Variants in TBATA observed in about 807,000 individuals in gnomAD.
TBATA encodes thymus, brain and testes associated, also known as protein TBATA.
Under a neutral mutation model 38.7 loss-of-function variants are expected in TBATA, and 47 were observed. That is an observed-to-expected ratio of 1.21 (90% CI 0.96 to 1.55). TBATA has a LOEUF of 1.55. Ranked by LOEUF, TBATA falls within the 40% of genes most tolerant of loss-of-function variation. The probability of loss-of-function intolerance (pLI) is 0.00; values close to 1 mark genes in which losing one functional copy is unlikely to be tolerated. For missense variants in TBATA, 436 were observed against 435.6 expected, an observed-to-expected ratio of 1.00 and a Z score of -0.01; for synonymous variants, 183 against 170.5, an observed-to-expected ratio of 1.07 and a Z score of -0.57.
In TBATA at chr10:70,772,703, C is replaced by T. The variant is rs566420935; in HGVS notation, c.921-137G>A. 1.5e-5 allele frequency: 14 copies of T among 919,462 alleles called. No individual in the cohort carries two copies. In the Admixed American group the frequency reaches 2.2e-4, roughly 15 times the overall value. The allele number at this position is 919,462 out of a possible 1,614,324, so 57.0% of individuals were successfully genotyped here. On this transcript the variant is annotated intron_variant, in intron 9 of 10. Coordinates refer to ENST00000456372, the MANE Select transcript of TBATA (RefSeq NM_001318241.2). The stretch of plus-strand genomic sequence containing the variant: ...TGCTCCAGGGAGAGGCAAGAGTCAC[C>T]CCTCCTGGAGGGCCAGAAAACATCT...
chr10:70,777,151 A>G lies in TBATA; in HGVS notation c.693+2T>C, dbSNP rs1267634072. 9 of 1,611,954 alleles carry G rather than the reference A, an allele frequency of 5.6e-6. No individual in the cohort carries two copies. The highest frequency in any genetic ancestry group is 7.6e-6 in the Non-Finnish European group (9 of 1,179,624). On this transcript the variant is annotated splice_donor_variant, in intron 7 of 10. Transcript: ENST00000456372. LOFTEE classifies it high-confidence loss of function. The stretch of plus-strand genomic sequence containing the variant: ...AGCCTGGGAGCAGAACTGGGCCCTC[A>G]CCAGCAGCTCCTGATCCTGAAGGAG...
chr10:70,779,799 G>A, intron 4 of TBATA, 57 bp from the exon 5 acceptor site: 1 of 1,484,946 alleles, frequency 6.7e-7, no homozygotes, highest in Non-Finnish European at 8.9e-7. Flanking sequence ...AAGAGCTCCA[G>A]GAGGCAGGGA....
chr10:70,774,127 G>A (rs1843081895), intron 9 of TBATA, 86 bp downstream of exon 9: 2 of 1,544,592 alleles, frequency 1.3e-6, no homozygotes, highest in Admixed American at 1.9e-5. Flanking sequence ...ACCCTGGTCA[G>A]CGCCAGGCTC....
Position 70,777,259 on chromosome 10 carries a change from G to A in TBATA, c.587C>T (p.Ser196Phe). ...TCTGCGGCGGCCGACAGCCCGGGTG[G>A]AAGCGGGGATGAGCCTCCCAGTCTC... Reference protein sequence around the residue: ...SAETGRLIPASTRAVGRRRSH... With the variant: ...SAETGRLIPAFTRAVGRRRSH... Residue 196 changes from serine to phenylalanine, a missense_variant, in exon 7 of 11, where the codon TCC (serine) becomes TTC (phenylalanine). By Grantham distance (155) the Ser-to-Phe change is radical. Transcript: ENST00000456372. 3 of 1,613,656 alleles carry A rather than the reference G, an allele frequency of 1.9e-6. No individual in the cohort carries two copies. Among genetic ancestry groups the A allele is most frequent in the East Asian group, 4.5e-5 (2 of 44,862 alleles).
chr10:70,778,701 C>T, intron 5 of TBATA, 65 bp from the exon 6 acceptor site: 1 of 1,434,896 alleles, frequency 7.0e-7, no homozygotes, highest in Non-Finnish European at 9.8e-7. Flanking sequence ...CCTGTGCCAC[C>T]AGGCCTTGGT....
chr10:70,778,912 C>T, intron 5 of TBATA: 1 of 537,928 alleles, frequency 1.9e-6, no homozygotes, highest in Non-Finnish European at 3.4e-6. Flanking sequence ...CTAGGGGATG[C>T]TGGAGAATAT....
rs78662436 is a variant in TBATA, at chr10:70,783,267, G to A, written c.41+72C>T. ...TCCTAATCTGTTGAGATCCCCCAAG[G>A]CCACCTTTGTCTTCTACCCTGCCCT... is the stretch of plus-strand genomic sequence containing the variant. On this transcript the variant is annotated intron_variant, in intron 3 of 10. Transcript: ENST00000456372. 4.0e-4 allele frequency: 624 copies of A among 1,563,524 alleles called. 4 individuals carry two copies. The East Asian group carries it at 0.014, about 35-fold the overall frequency.
In TBATA at chr10:70,777,617, C is replaced by T. The variant is rs1843592317; in HGVS notation, c.508-279G>A. On this transcript the variant is annotated intron_variant, in intron 6 of 10. Coordinates refer to ENST00000456372, the MANE Select transcript of TBATA (RefSeq NM_001318241.2). ...GCTTAAACCAGCAAAAGCTCTTCCT[C>T]CTGGAACTCAGTAATGCAGGGTCGA... The T allele has an allele frequency of 1.8e-5, 9 of 501,920 alleles. No homozygotes were observed. In the South Asian group the frequency reaches 1.9e-4, roughly 11 times the overall value. 31.1% of individuals were successfully genotyped at this position (501,920 alleles called of 1,614,324 possible).
chr10:70,772,948 T>A (rs1214776356), intron 9 of TBATA, among the ~76,000 whole-genome samples: 1 of 152,198 alleles, frequency 6.6e-6, no homozygotes. Context: ...ACAAGAACCC[T>A]GCGTCTTGAA....
At chr10:70,781,035 C>G (rs1284856821) in intron 4 of TBATA, among the ~76,000 whole-genome samples, 1 of 152,226 alleles carries the variant, frequency 6.6e-6, no homozygotes, top group African/African-American at 2.4e-5. Flanking sequence ...CAATAGTGGC[C>G]CAAATGCCTA....
At chr10:70,773,473 G>GCCCT (rs770534823) in intron 9 of TBATA, among the ~76,000 whole-genome samples, 1 of 151,314 alleles carries the variant, frequency 6.6e-6, no homozygotes, top group Admixed American at 6.6e-5. Context: ...AGGCCCCCCC[G>GCCCT]GCTTCACCCC....
intron 4 of TBATA, among the ~76,000 whole-genome samples, chr10:70,780,548 C>G (rs929101040): frequency 6.6e-6 from 1 of 151,882 alleles, no homozygotes; most frequent in Non-Finnish European, 1.5e-5. Context: ...GGGATCCTAC[C>G]CAGGCCCACC....
In TBATA at chr10:70,775,201, C is replaced by T. The variant is rs150044592; in HGVS notation, c.763G>A (p.Ala255Thr). ...GCTGTGTCCTCACCCTTGGGCGGAG[C>T]GTAGAGCAGCCAGAACTGGATTGCG... ...LSAIQFWLLYAPPKEKDLALG... is the reference protein window; with the variant it reads ...LSAIQFWLLYTPPKEKDLALG... The change falls in exon 8 of 11, where the codon GCT becomes ACT. Residue 255 changes from alanine (A) to threonine (T), a missense_variant. Physicochemically the swap from Ala to Thr is moderately conservative, Grantham distance 58. Transcript: ENST00000456372. The T allele has an allele frequency of 1.3e-5, 21 of 1,613,852 alleles. No individual in the cohort carries two copies. The highest frequency in any genetic ancestry group is 6.7e-5 in the Admixed American group (4 of 60,010).
chr10:70,772,914 T>C (rs1346835370), intron 9 of TBATA, among the ~76,000 whole-genome samples: 2 of 152,220 alleles, frequency 1.3e-5, no homozygotes, highest in East Asian at 3.9e-4. Context: ...GGTTTCCTTG[T>C]GGACTTCCCT....
rs1478675226 is a variant in TBATA at position 70,774,337 on chromosome 10, G to T, written c.796C>A (p.Leu266Ile). ...AGCTGAGCCACTGCTGTCTGCAGGAGTCCCAGAGCGAGGTCTTTTTCTGAA... is the reference window on the plus strand; with the variant it reads ...AGCTGAGCCACTGCTGTCTGCAGGATTCCCAGAGCGAGGTCTTTTTCTGAA... ...PPKEKDLALG[L>I]LQTAVAQLLP... The change falls in exon 9 of 11, where the codon CTC (leucine) becomes ATC (isoleucine). Residue 266 changes from leucine to isoleucine, a missense_variant. Coordinates refer to ENST00000456372, the MANE Select transcript of TBATA (RefSeq NM_001318241.2). 6.3e-7 allele frequency: 1 copy of T among 1,599,790 alleles called. No individual in the cohort carries two copies. The highest frequency in any genetic ancestry group is 1.1e-5 in the South Asian group (1 of 88,006).
chr10:70,774,188 G>A (rs990782526), intron 9 of TBATA, 25 bp downstream of exon 9: 2 of 1,609,332 alleles, frequency 1.2e-6, no homozygotes, highest in Non-Finnish European at 1.7e-6. Context: ...GGCTGCAGAA[G>A]GGCAGGGCGG....
chr10:70,774,467 A>G, intron 8 of TBATA, 110 bp from the exon 9 acceptor site: 1 of 1,074,386 alleles, frequency 9.3e-7, no homozygotes, highest in Non-Finnish European at 1.3e-6. Context: ...TAAGCATCCC[A>G]CCTTCTGCCC....
intron 6 of TBATA, 113 bp from the exon 7 acceptor site, chr10:70,777,451 A>G: frequency 1.1e-6 from 1 of 945,036 alleles, no homozygotes; most frequent in Non-Finnish European, 1.6e-6. Flanking sequence ...TTCGCCTCCC[A>G]AATCCCAGCA....
intron 3 of TBATA, chr10:70,782,448 T>A: frequency 7.7e-7 from 1 of 1,293,982 alleles, no homozygotes; most frequent in Non-Finnish European, 1.0e-6. Context: ...CAAGCCAGAC[T>A]GTGGACAGCC....
Sources: gnomAD v4.1 joint callset for allele counts (sites outside exome capture counted in the v4.1 genomes callset) on GRCh38, gnomAD v4.1.1 for gene constraint, MANE v1.5 for transcripts, NCBI Gene and HGNC (gene_info 2026-07-23, HGNC 2026-07-21) for gene names.